Variants in PRELID2 observed in about 807,000 individuals in gnomAD.
PRELID2 encodes PRELI domain containing 2, also known as PRELI domain-containing protein 2.
In PRELID2, 25 loss-of-function variants were observed where a neutral mutation model predicts 28.4. The ratio of observed to expected loss-of-function variants is 0.88; its 90% confidence interval spans 0.64 to 1.23. PRELID2 has a LOEUF of 1.23. Among genes scored for constraint, PRELID2 ranks in the 50% most tolerant of loss-of-function variants. PRELID2 has a pLI of 0.00. For missense variants in PRELID2, 201 were observed against 214.4 expected (o/e 0.94, Z 0.39); for synonymous variants, 76 against 71.6 (o/e 1.06, Z -0.31).
At chr5:145,364,904 A>G in the PRELID2 span, among the ~76,000 whole-genome samples, 4 of 152,006 alleles carry the variant, frequency 2.6e-5, no homozygotes, top group African/African-American at 7.2e-5. Flanking sequence ...AGGAAATATT[A>G]ATCTAAGACC....
chr5:145,317,983 G>A, the PRELID2 span, among the ~76,000 whole-genome samples: 1 of 152,064 alleles, frequency 6.6e-6, no homozygotes, highest in Non-Finnish European at 1.5e-5. Context: ...ACTCCATTAG[G>A]TGTCAGGTAC....
the PRELID2 span, among the ~76,000 whole-genome samples, chr5:145,309,554 A>G: frequency 3.5e-4 from 54 of 152,222 alleles, no homozygotes; most frequent in Non-Finnish European, 4.0e-4. Context: ...TGCTGAAAAT[A>G]TTATAAGATG....
the PRELID2 span, among the ~76,000 whole-genome samples, chr5:145,419,344 C>T: frequency 1.8e-4 from 23 of 126,318 alleles, no homozygotes; most frequent in South Asian, 2.7e-4. Flanking sequence ...ACAGTCCCAC[C>T]AACAGTGTAA....
chr5:145,630,036 C>T lies in PRELID2; in HGVS notation n.70+134895G>A, dbSNP rs182960738. Among the ~76,000 whole-genome samples, 287 of 152,234 alleles carry T rather than the reference C, an allele frequency of 1.9e-3. 1 individual carries two copies. Among genetic ancestry groups the T allele is most frequent in the Middle Eastern group, 0.017 (5 of 294 alleles). ...AAGACATTTCTGGAAAATGTCTGCT[C>T]CTTGAGGTCAAAGGGTAGACTTTTG... is the stretch of plus-strand genomic sequence containing the variant. On this transcript the variant is annotated intron_variant and non_coding_transcript_variant, in intron 1 of 2. Transcript: ENST00000510259.
At chr5:145,266,371 A>AG in the PRELID2 span, among the ~76,000 whole-genome samples, 1 of 150,038 alleles carries the variant, frequency 6.7e-6, no homozygotes, top group African/African-American at 2.5e-5. Context: ...AAAAAAAAAA[A>AG]GGGCTAAGGA....
intron 1 of PRELID2, among the ~76,000 whole-genome samples, chr5:145,735,300 A>G (rs1055189266): frequency 1.4e-4 from 21 of 152,002 alleles, no homozygotes; most frequent in Admixed American, 1.4e-3. Context: ...CCAACAATGT[A>G]GTAGTCAAGA....
chr5:145,722,402 C>T lies in PRELID2; in HGVS notation n.70+42529G>A, dbSNP rs372537733. Among the ~76,000 whole-genome samples the T allele has an allele frequency of 3.2e-3, 480 of 152,280 alleles. 1 individual carries two copies. Among genetic ancestry groups the T allele is most frequent in the African/African-American group, 0.011 (442 of 41,566 alleles). ...GCAACCTCCGCCTCACAGGTTATAG[C>T]GATTCTCCTGTCTCAGTCTCCAGAC... On this transcript the variant is annotated intron_variant and non_coding_transcript_variant, in intron 1 of 2. Coordinates refer to the PRELID2 transcript ENST00000510259.
intron 1 of PRELID2, among the ~76,000 whole-genome samples, chr5:145,737,651 G>A (rs76359589): frequency 0.04 from 6,163 of 152,226 alleles, 212 homozygotes; most frequent in African/African-American, 0.084. Context: ...GAAAGAAGCA[G>A]TCTTGCAAGG....
At chr5:145,497,822 T>C (rs1403757373) in intron 1 of PRELID2, among the ~76,000 whole-genome samples, 1 of 152,250 alleles carries the variant, frequency 6.6e-6, no homozygotes, top group Non-Finnish European at 1.5e-5. Flanking sequence ...AGTGCACATC[T>C]GGATGGAAGC....
chr5:145,766,573 CACCACAAATACT>C (rs1757775533), intron 5 of PRELID2, among the ~76,000 whole-genome samples: 1 of 152,194 alleles, frequency 6.6e-6, no homozygotes. Context: ...GCCTGGCCAT[CACCACAAATACT>C]ACCGTTATCT....
At chr5:145,627,879 G>A (rs948547979) in intron 1 of PRELID2, among the ~76,000 whole-genome samples, 2 of 151,972 alleles carry the variant, frequency 1.3e-5, no homozygotes, top group African/African-American at 4.8e-5. Context: ...TGCTAAGCAG[G>A]GCCTTGGTAA....
chr5:145,444,998 A>G, the PRELID2 span, among the ~76,000 whole-genome samples: 1 of 152,116 alleles, frequency 6.6e-6, no homozygotes, highest in Admixed American at 6.6e-5. Context: ...CAAAATACCA[A>G]TGACATTCTT....
intron 1 of PRELID2, among the ~76,000 whole-genome samples, chr5:145,520,088 T>C (rs955113): frequency 0.19 from 28,577 of 152,158 alleles, 3,027 homozygotes; most frequent in South Asian, 0.36. Flanking sequence ...CAAAGCCACC[T>C]ATTTAGGTGA....
At chr5:145,721,879 A>G (rs1336079865) in intron 1 of PRELID2, among the ~76,000 whole-genome samples, 1 of 152,232 alleles carries the variant, frequency 6.6e-6, no homozygotes, top group East Asian at 1.9e-4. Context: ...TAATGTTAAA[A>G]TCTGTAATTC....
intron 1 of PRELID2, among the ~76,000 whole-genome samples, chr5:145,670,064 A>G (rs1253311419): frequency 6.6e-6 from 1 of 152,122 alleles, no homozygotes; most frequent in Non-Finnish European, 1.5e-5. Context: ...GTCTTAGTCC[A>G]TTTTGCATCA....
intron 1 of PRELID2, among the ~76,000 whole-genome samples, chr5:145,678,197 C>A (rs555420727): frequency 5.2e-4 from 79 of 152,126 alleles, no homozygotes; most frequent in Non-Finnish European, 1.0e-3. Flanking sequence ...TTCAAATACA[C>A]AAGATAATTG....
chr5:145,348,370 A>C, the PRELID2 span, among the ~76,000 whole-genome samples: 2 of 152,136 alleles, frequency 1.3e-5, no homozygotes, highest in Non-Finnish European at 2.9e-5. Context: ...AGTAGCAAGC[A>C]AGGGATTTTG....
the PRELID2 span, among the ~76,000 whole-genome samples, chr5:145,422,384 C>A: frequency 6.6e-6 from 1 of 152,118 alleles, no homozygotes; most frequent in Admixed American, 6.5e-5. Flanking sequence ...CTTTGTAGGT[C>A]ACTCAGGACT....
chr5:145,525,791 T>A (rs1042901430), intron 1 of PRELID2, among the ~76,000 whole-genome samples: 1 of 151,942 alleles, frequency 6.6e-6, no homozygotes, highest in African/African-American at 2.4e-5. Flanking sequence ...TATACTGGGG[T>A]TTGGAATAAA....
Sources: allele counts gnomAD v4.1 joint callset (sites outside exome capture counted in the v4.1 genomes callset), GRCh38; gene constraint gnomAD v4.1.1; transcripts MANE v1.5; gene names NCBI Gene and HGNC (gene_info 2026-07-23, HGNC 2026-07-21).